Variants in GNG4 observed in about 807,000 individuals in gnomAD.
GNG4 encodes G protein subunit gamma 4.
In GNG4, 4 loss-of-function variants were observed where a neutral mutation model predicts 5.8. That is an observed-to-expected ratio of 0.69 (90% CI 0.34 to 1.57). GNG4 has a LOEUF of 1.57. Ranked by LOEUF, GNG4 falls within the 40% of genes most tolerant of loss-of-function variation. GNG4 has a pLI of 0.06. For synonymous variants in GNG4, 29 were observed against 32.9 expected (o/e 0.88, Z 0.41); for missense variants, 96 against 95.1 (o/e 1.01, Z -0.04).
intron 1 of GNG4, among the ~76,000 whole-genome samples, chr1:235,608,884 A>G (rs1322396652): frequency 6.6e-6 from 1 of 151,982 alleles, no homozygotes; most frequent in Non-Finnish European, 1.5e-5. Flanking sequence ...GGGTTTTGCC[A>G]TGTTGGCCAG....
At chr1:235,603,275 A>AATAATT (rs1226665962) in intron 1 of GNG4, among the ~76,000 whole-genome samples, 114 of 150,608 alleles carry the variant, frequency 7.6e-4, no homozygotes, top group African/African-American at 2.6e-3. Context: ...TAATAATAAT[A>AATAATT]ATAATAATAA....
intron 1 of GNG4, among the ~76,000 whole-genome samples, chr1:235,610,209 C>T (rs1688451351): frequency 6.6e-6 from 1 of 152,192 alleles, no homozygotes; most frequent in Admixed American, 6.5e-5. Flanking sequence ...TTGTAGAACA[C>T]CCCTCAATTC....
At chr1:235,593,932 C>G (rs1395791345) in intron 2 of GNG4, among the ~76,000 whole-genome samples, 1 of 152,228 alleles carries the variant, frequency 6.6e-6, no homozygotes, top group Non-Finnish European at 1.5e-5. Context: ...GGGACCCAAG[C>G]AGATTACCCC....
At chr1:235,560,743 TTTC>T (rs1333676707) in intron 3 of GNG4, among the ~76,000 whole-genome samples, 2 of 152,286 alleles carry the variant, frequency 1.3e-5, no homozygotes, top group East Asian at 3.9e-4. Context: ...CAACTTTCAT[TTTC>T]TTCTTCTACT....
rs1163533145 is a variant in GNG4 at position 235,550,125 on chromosome 1, G to A, written c.*1984C>T. Reference sequence around the variant, plus strand: ...CCACTGTGTATTCTCCTCTTTCATCGGGATCATATGAGTTTGGTTTAGGTA... The same window carrying A: ...CCACTGTGTATTCTCCTCTTTCATCAGGATCATATGAGTTTGGTTTAGGTA... On this transcript the variant is annotated 3_prime_UTR_variant, in exon 4 of 4. Transcript: ENST00000391854. 2 of 152,166 alleles carry A rather than the reference G, an allele frequency of 1.3e-5. No individual in the cohort carries two copies. The highest frequency in any genetic ancestry group is 2.4e-5 in the African/African-American group (1 of 41,422). The allele number at this position is 152,166 out of a possible 1,614,324, so 9.4% of individuals were successfully genotyped here.
At chr1:235,558,939 C>T (rs1445095842) in intron 3 of GNG4, among the ~76,000 whole-genome samples, 1 of 152,122 alleles carries the variant, frequency 6.6e-6, no homozygotes, top group Non-Finnish European at 1.5e-5. Flanking sequence ...ATTAAGGCAG[C>T]CCAAGTTAGC....
At chr1:235,593,755 GA>G (rs1457764313) in intron 2 of GNG4, among the ~76,000 whole-genome samples, 1 of 152,072 alleles carries the variant, frequency 6.6e-6, no homozygotes, top group Non-Finnish European at 1.5e-5. Flanking sequence ...GGCGCGTCTG[GA>G]GTTGTTCCTT....
chr1:235,635,266 A>G (rs7555242), intron 1 of GNG4, among the ~76,000 whole-genome samples: 105,579 of 151,982 alleles, frequency 0.69, 37,168 homozygotes, highest in East Asian at 0.88. Flanking sequence ...GGAGGCTGAG[A>G]CGGGTGGATC....
chr1:235,606,851 T>TG (rs774806998), intron 1 of GNG4, among the ~76,000 whole-genome samples: 63 of 150,640 alleles, frequency 4.2e-4, no homozygotes, highest in East Asian at 7.8e-4. Context: ...CAAAGCAGCA[T>TG]GGGGGGGCGA....
chr1:235,554,672 C>T (rs916300389), intron 3 of GNG4, among the ~76,000 whole-genome samples: 3 of 151,964 alleles, frequency 2.0e-5, no homozygotes, highest in African/African-American at 4.8e-5. Flanking sequence ...GGTGAAACCC[C>T]GTCTCTACAA....
chr1:235,625,664 G>A (rs545422319), intron 1 of GNG4, among the ~76,000 whole-genome samples: 9 of 152,200 alleles, frequency 5.9e-5, no homozygotes, highest in African/African-American at 1.9e-4. Context: ...TTTCCAGGAT[G>A]TCATATAGTG....
chr1:235,641,166 A>C (rs1256833630), intron 1 of GNG4, among the ~76,000 whole-genome samples: 3 of 152,164 alleles, frequency 2.0e-5, no homozygotes, highest in African/African-American at 7.2e-5. Context: ...TGGGAGGATC[A>C]CTTGAGGCCA....
chr1:235,561,049 C>T (rs1187888506), intron 3 of GNG4, among the ~76,000 whole-genome samples: 3 of 152,256 alleles, frequency 2.0e-5, no homozygotes, highest in East Asian at 1.9e-4. Flanking sequence ...CTCACTCTGT[C>T]GCCAGGCTGC....
intron 1 of GNG4, among the ~76,000 whole-genome samples, chr1:235,640,595 G>T (rs1400800073): frequency 6.6e-6 from 1 of 152,248 alleles, no homozygotes; most frequent in Admixed American, 6.5e-5. Context: ...GCCAGACCAC[G>T]CATCAAGGCG....
chr1:235,587,208 T>C (rs867088459), intron 2 of GNG4, among the ~76,000 whole-genome samples: 2 of 114,624 alleles, frequency 1.7e-5, no homozygotes, highest in Non-Finnish European at 3.4e-5. Flanking sequence ...AGAAAGTATG[T>C]GTGAGGGTGT....
chr1:235,600,440 ATATGTG>A (rs201752525), intron 1 of GNG4, among the ~76,000 whole-genome samples: 34,520 of 111,446 alleles, frequency 0.31, 4,782 homozygotes, highest in Middle Eastern at 0.41. Context: ...GTGTGTGTGT[ATATGTG>A]TGTGTGTGTA....
chr1:235,570,921 T>TACACACACACACAC (rs201995877), intron 3 of GNG4, among the ~76,000 whole-genome samples: 2 of 63,932 alleles, frequency 3.1e-5, no homozygotes, highest in African/African-American at 1.4e-4. Context: ...TACATATATA[T>TACACACACACACAC]ATACACACAC....
chr1:235,562,647 G>GAAAAAAAAAAAGAAAAAAAAAAAAAAA (rs1687094830), intron 3 of GNG4, among the ~76,000 whole-genome samples: 2 of 21,630 alleles, frequency 9.2e-5, no homozygotes, highest in Non-Finnish European at 1.1e-4. Flanking sequence ...TCTGTCTCAA[G>GAAAAAAAAAAAGAAAAAAAAAAAAAAA]AAAAAAAAAA....
At chr1:235,582,417 G>A (rs140906741) in intron 3 of GNG4, among the ~76,000 whole-genome samples, 2 of 152,314 alleles carry the variant, frequency 1.3e-5, no homozygotes, top group Non-Finnish European at 2.9e-5. Flanking sequence ...CTCAGAGCCA[G>A]CCATAGCTCA....
Sources: gnomAD v4.1 joint callset for allele counts (sites outside exome capture counted in the v4.1 genomes callset) on GRCh38, gnomAD v4.1.1 for gene constraint, MANE v1.5 for transcripts, NCBI Gene and HGNC (gene_info 2026-07-23, HGNC 2026-07-21) for gene names.